Variants in SLC33A1 observed in about 807,000 individuals in gnomAD.
SLC33A1 encodes the protein acetyl-coenzyme A transporter 1.
SLC33A1 carries 20 observed loss-of-function variants against 50.0 expected under a neutral mutation model. That is an observed-to-expected ratio of 0.40 (90% CI 0.28 to 0.58). The LOEUF (loss-of-function observed/expected upper bound fraction) is 0.58, where lower values mean the gene tolerates loss of function less well. SLC33A1 is among the 20% of genes least tolerant of loss of function. The pLI, the probability that SLC33A1 is intolerant of heterozygous loss-of-function variation, is 0.44. For missense variants in SLC33A1, 476 were observed against 657.0 expected (o/e 0.72, Z 3.01); for synonymous variants, 265 against 251.8 (o/e 1.05, Z -0.50).
chr3:155,825,343 A>C lies in SLC33A1; in HGVS notation c.*2867T>G, dbSNP rs969968563. The stretch of plus-strand genomic sequence containing the variant: ...TAAAAAAAAAAAAGAAGTCATAAAG[A>C]CAGGTTCTTATTATATTGACCAGGT... On this transcript the variant is annotated 3_prime_UTR_variant, in exon 6 of 6. Transcript: ENST00000643144. 6.6e-6 allele frequency: 1 copy of C among 151,824 alleles called. No homozygotes were observed. Among genetic ancestry groups the C allele is most frequent in the Non-Finnish European group, 1.5e-5 (1 of 67,982 alleles). The allele number at this position is 151,824 out of a possible 1,614,324, so 9.4% of individuals were successfully genotyped here. A position where few individuals can be genotyped will look rare whatever the true frequency, so the allele number is the denominator to read the frequency against.
intron 1 of SLC33A1, among the ~76,000 whole-genome samples, chr3:155,847,051 T>C (rs1247963376): frequency 6.6e-6 from 1 of 151,314 alleles, no homozygotes; most frequent in Non-Finnish European, 1.5e-5. Context: ...CTACTAAAAA[T>C]ACAAAAAGTA....
At position 155,822,502 on chromosome 3, in the gene SLC33A1, T is replaced by TGA. The variant is rs1390390183; in HGVS notation, c.*5706_*5707dup. The TGA allele has an allele frequency of 1.3e-5, 2 of 148,230 alleles. No homozygotes were observed. Among genetic ancestry groups the TGA allele is most frequent in the Non-Finnish European group, 3.0e-5 (2 of 67,764 alleles). 9.2% of individuals were successfully genotyped at this position (148,230 alleles called of 1,614,324 possible). A position where few individuals can be genotyped will look rare whatever the true frequency, so the allele number is the denominator to read the frequency against. On this transcript the variant is annotated 3_prime_UTR_variant, in exon 6 of 6. Transcript: ENST00000643144. ...GAGAGGCTGAGGAAGGAGAATCACT[T>TGA]GAACCCAGCAGGCAGAGGGTGCAGG...
At chr3:155,828,432 G>A in intron 5 of SLC33A1, 55 bp from the exon 6 acceptor site, 1 of 989,146 alleles carries the variant, frequency 1.0e-6, no homozygotes, top group Admixed American at 1.7e-5. Flanking sequence ...AAAGTATTTA[G>A]CAATTAACAT....
At position 155,853,508 on chromosome 3, in the gene SLC33A1, G is replaced by C. The variant is rs577725440; in HGVS notation, c.490C>G (p.Arg164Gly). The C allele has an allele frequency of 1.5e-5, 25 of 1,614,090 alleles. No homozygotes were observed. In the South Asian group the frequency reaches 2.4e-4, roughly 16 times the overall value. The change falls in exon 1 of 6, where the codon CGT (arginine) becomes GGT (glycine). Residue 164 changes from arginine to glycine, a missense_variant. Coordinates refer to ENST00000643144, the MANE Select transcript of SLC33A1 (RefSeq NM_004733.4). The part of the protein sequence containing the change: ...FMIYLSTQVD[R>G]LLGNTDDRTP... Reference sequence around the variant, plus strand: ...CTGTCATCGGTATTCCCAAGCAAACGGTCCACCTGAGTGGATAAATAGATC... The same window carrying C: ...CTGTCATCGGTATTCCCAAGCAAACCGTCCACCTGAGTGGATAAATAGATC...
chr3:155,854,205 G>A lies in SLC33A1; in HGVS notation c.-208C>T, dbSNP rs1402412407. On this transcript the variant is annotated 5_prime_UTR_variant, in exon 1 of 6. Coordinates refer to ENST00000643144, the MANE Select transcript of SLC33A1 (RefSeq NM_004733.4). ...TCCTCTGGCTAGAGGCCCAGAGGATGCCTGGATAGGTGCCCCCTGGAACGG... is the reference window on the plus strand; with the variant it reads ...TCCTCTGGCTAGAGGCCCAGAGGATACCTGGATAGGTGCCCCCTGGAACGG... 1 of 439,060 alleles carries A rather than the reference G, an allele frequency of 2.3e-6. No homozygotes were observed. Among genetic ancestry groups the A allele is most frequent in the Non-Finnish European group, 4.0e-6 (1 of 248,696 alleles). 27.2% of individuals were successfully genotyped at this position (439,060 alleles called of 1,614,324 possible). A position where few individuals can be genotyped will look rare whatever the true frequency, so the allele number is the denominator to read the frequency against.
In SLC33A1 at chr3:155,826,651, T is replaced by C. The variant is rs1035104610; in HGVS notation, c.*1559A>G. On this transcript the variant is annotated 3_prime_UTR_variant, in exon 6 of 6. Coordinates refer to ENST00000643144, the MANE Select transcript of SLC33A1 (RefSeq NM_004733.4). ...CCTCCTTGCCTCTAGGATGGGATTT[T>C]TTCCAGGTGATTCTTCAGGATCTGA... 2 of 152,180 alleles carry C rather than the reference T, an allele frequency of 1.3e-5. No individual in the cohort carries two copies. The highest frequency in any genetic ancestry group is 2.9e-5 in the Non-Finnish European group (2 of 68,060). 9.4% of individuals were successfully genotyped at this position (152,180 alleles called of 1,614,324 possible). A position where few individuals can be genotyped will look rare whatever the true frequency, so the allele number is the denominator to read the frequency against.
At chr3:155,838,416 C>G (rs750561113) in intron 2 of SLC33A1, among the ~76,000 whole-genome samples, 19 of 151,756 alleles carry the variant, frequency 1.3e-4, no homozygotes, top group Non-Finnish European at 2.6e-4. Flanking sequence ...CGTGGTGGCT[C>G]ACGCCTATAA....
In SLC33A1 at chr3:155,842,288, A is replaced by G; in HGVS notation, c.963+144T>C. On this transcript the variant is annotated intron_variant, in intron 2 of 5. Coordinates refer to ENST00000643144, the MANE Select transcript of SLC33A1 (RefSeq NM_004733.4). Reference sequence around the variant, plus strand: ...GATATCATTACATCTTTTCAAATACATTTAATAAACAGAAAATATTGTTTT... The same window carrying G: ...GATATCATTACATCTTTTCAAATACGTTTAATAAACAGAAAATATTGTTTT... 2 of 598,942 alleles carry G rather than the reference A, an allele frequency of 3.3e-6. 1 individual carries two copies. Among genetic ancestry groups the G allele is most frequent in the South Asian group, 4.4e-5 (2 of 45,938 alleles). The allele number at this position is 598,942 out of a possible 1,614,324, so 37.1% of individuals were successfully genotyped here.
rs1426539664 is a variant in SLC33A1, at chr3:155,842,493, A to C, written c.902T>G (p.Leu301Arg). Residue 301 changes from leucine to arginine, a missense_variant, in exon 2 of 6, where the codon CTT becomes CGT. Coordinates refer to ENST00000643144, the MANE Select transcript of SLC33A1 (RefSeq NM_004733.4). ...TGCTGGCATTTTTATAATTGCAAAA[A>C]GCAGCTTGTAAGTATCTGTGATCCC... ...TQGITDTYKL[L>R]FAIIKMPAVL... is the part of the protein sequence containing the mutation. The C allele has an allele frequency of 6.2e-7, 1 of 1,612,832 alleles. No individual in the cohort carries two copies. Among genetic ancestry groups the C allele is most frequent in the South Asian group, 1.1e-5 (1 of 90,944 alleles).
rs1752151304 is a variant in SLC33A1 at position 155,824,143 on chromosome 3, C to T, written c.*4067G>A. 1 of 152,108 alleles carries T rather than the reference C, an allele frequency of 6.6e-6. No individual in the cohort carries two copies. The highest frequency in any genetic ancestry group is 1.5e-5 in the Non-Finnish European group (1 of 68,026). 9.4% of individuals were successfully genotyped at this position (152,108 alleles called of 1,614,324 possible). A position where few individuals can be genotyped will look rare whatever the true frequency, so the allele number is the denominator to read the frequency against. On this transcript the variant is annotated 3_prime_UTR_variant, in exon 6 of 6. Transcript: ENST00000643144. The stretch of plus-strand genomic sequence containing the variant: ...CACCTTCCCTTCTGTAACCAAAATA[C>T]TTATTAAATATATGAATGCTAGTTA...
intron 1 of SLC33A1, among the ~76,000 whole-genome samples, chr3:155,848,132 CAG>C (rs748097549): frequency 2.6e-5 from 4 of 152,072 alleles, no homozygotes; most frequent in Non-Finnish European, 5.9e-5. Flanking sequence ...ATAGATGAGA[CAG>C]ATTTTTTTAA....
chr3:155,832,003 T>C (rs191073466), intron 4 of SLC33A1, among the ~76,000 whole-genome samples: 11 of 152,344 alleles, frequency 7.2e-5, no homozygotes, highest in African/African-American at 2.4e-4. Flanking sequence ...AAATATGCAT[T>C]AGCAATAACT....
intron 1 of SLC33A1, among the ~76,000 whole-genome samples, chr3:155,852,262 A>T (rs1753427337): frequency 6.6e-6 from 1 of 152,160 alleles, no homozygotes; most frequent in Non-Finnish European, 1.5e-5. Context: ...GTTCAAGACC[A>T]GCCTGGCCAA....
chr3:155,840,356 G>T (rs1752880582), intron 2 of SLC33A1, among the ~76,000 whole-genome samples: 1 of 151,772 alleles, frequency 6.6e-6, no homozygotes, highest in South Asian at 2.1e-4. Context: ...CCAAAGTGCT[G>T]GGATTAAAGG....
In SLC33A1 at chr3:155,826,353, C is replaced by A. The variant is rs1387201697; in HGVS notation, c.*1857G>T. ...AGTGAGCCGAGATTGCACCACTGTACTCCAGCCTGGGTGACAAAGTGAGAC... is the reference window on the plus strand; with the variant it reads ...AGTGAGCCGAGATTGCACCACTGTAATCCAGCCTGGGTGACAAAGTGAGAC... On this transcript the variant is annotated 3_prime_UTR_variant, in exon 6 of 6. Coordinates refer to ENST00000643144, the MANE Select transcript of SLC33A1 (RefSeq NM_004733.4). The A allele has an allele frequency of 6.6e-6, 1 of 151,056 alleles. No individual in the cohort carries two copies. Among genetic ancestry groups the A allele is most frequent in the South Asian group, 2.1e-4 (1 of 4,798 alleles). The allele number at this position is 151,056 out of a possible 1,614,324, so 9.4% of individuals were successfully genotyped here. A position where few individuals can be genotyped will look rare whatever the true frequency, so the allele number is the denominator to read the frequency against.
At position 155,833,867 on chromosome 3, in the gene SLC33A1, T is replaced by C. The variant is rs752366189; in HGVS notation, c.1138A>G (p.Met380Val). ...TTATTTCATTTTTACCTGTAGGGCA[T>C]GGCTTTGTAAAATGTGTTTAATGGC... ...PQPLNTFYKA[M>V]PYRLLLGLEY... Residue 380 changes from methionine (M) to valine (V), a missense_variant, in exon 3 of 6, where the codon ATG becomes GTG. By Grantham distance (21) the Met-to-Val change is conservative (BLOSUM62 1). Coordinates refer to ENST00000643144, the MANE Select transcript of SLC33A1 (RefSeq NM_004733.4). 6.2e-7 allele frequency: 1 copy of C among 1,613,194 alleles called. No individual in the cohort carries two copies. The highest frequency in any genetic ancestry group is 1.3e-5 in the African/African-American group (1 of 75,036).
rs1191295779 is a variant in SLC33A1, at chr3:155,854,256, C to G, written c.-259G>C. ...CGTCAAAGAGCCTGAAGGAGACCCC[C>G]GGGCAGCAGCGCCGGGCTCGAGGCT... On this transcript the variant is annotated 5_prime_UTR_variant, in exon 1 of 6. Transcript: ENST00000643144. 2.8e-6 allele frequency: 1 copy of G among 352,350 alleles called. No individual in the cohort carries two copies. Among genetic ancestry groups the G allele is most frequent in the Non-Finnish European group, 5.1e-6 (1 of 194,528 alleles). The allele number at this position is 352,350 out of a possible 1,614,324, so 21.8% of individuals were successfully genotyped here. A position where few individuals can be genotyped will look rare whatever the true frequency, so the allele number is the denominator to read the frequency against.
rs905416031 is a variant in SLC33A1 at position 155,835,740 on chromosome 3, AAAC to A, written c.964-1702_964-1700del. ...TTACCGGTTTTTCATGCCCTATTTA[AAAC>A]AGACACTGCCTCCCCACTAGCTCAT... On this transcript the variant is annotated intron_variant, in intron 2 of 5. Transcript: ENST00000643144. Among the ~76,000 whole-genome samples the A allele has an allele frequency of 6.6e-6, 1 of 152,096 alleles. No homozygotes were observed. The highest frequency in any genetic ancestry group is 1.5e-5 in the Non-Finnish European group (1 of 68,016).
Position 155,829,798 on chromosome 3 carries a change from G to A in SLC33A1, c.1372C>T (p.Leu458=). Residue 458 remains leucine, a synonymous_variant, in exon 5 of 6, where the codon CTG becomes TTG. Coordinates refer to ENST00000643144, the MANE Select transcript of SLC33A1 (RefSeq NM_004733.4). ...YMTLLNTVSN[L]GGNWPSTVAL... is the part of the protein sequence containing the mutation. ...ACTGTAGAAGGCCAGTTTCCTCCCAGATTGGACACGGTATTTAAAAGGGTC... is the reference window on the plus strand; with the variant it reads ...ACTGTAGAAGGCCAGTTTCCTCCCAAATTGGACACGGTATTTAAAAGGGTC... The A allele has an allele frequency of 6.2e-7, 1 of 1,613,832 alleles. No individual in the cohort carries two copies. The highest frequency in any genetic ancestry group is 8.5e-7 in the Non-Finnish European group (1 of 1,179,760).
Sources: gnomAD v4.1 joint callset for allele counts (sites outside exome capture counted in the v4.1 genomes callset) on GRCh38, gnomAD v4.1.1 for gene constraint, MANE v1.5 for transcripts, NCBI Gene and HGNC (gene_info 2026-07-23, HGNC 2026-07-21) for gene names.